The following SLC38A12 variants were observed in gnomAD, a reference collection of about 807,000 sequenced individuals.
SLC38A12 encodes solute carrier family 38 member 12.
At chr17:74,777,693 G>A in the SLC38A12 span, 1 of 1,111,750 alleles carries the variant, frequency 9.0e-7, no homozygotes, top group Non-Finnish European at 1.2e-6. Context: ...GCTGAAGCGG[G>A]CAGATCACCT....
the SLC38A12 span, among the ~76,000 whole-genome samples, chr17:74,777,026 G>A: frequency 2.0e-5 from 3 of 152,158 alleles, no homozygotes; most frequent in Non-Finnish European, 4.4e-5. Flanking sequence ...GAGCAGCATT[G>A]AAAACATCCG....
At chr17:74,820,379 G>A in the SLC38A12 span, among the ~76,000 whole-genome samples, 1 of 152,202 alleles carries the variant, frequency 6.6e-6, no homozygotes, top group Non-Finnish European at 1.5e-5. Flanking sequence ...TCTAACCAAC[G>A]GACACTGTGC....
At chr17:74,824,169 C>T in the SLC38A12 span, among the ~76,000 whole-genome samples, 1 of 152,202 alleles carries the variant, frequency 6.6e-6, no homozygotes, top group Non-Finnish European at 1.5e-5. Flanking sequence ...TCTGGGCAGC[C>T]TCTCTGTTGC....
chr17:74,777,129 G>A, the SLC38A12 span: 2 of 640,850 alleles, frequency 3.1e-6, no homozygotes, highest in Non-Finnish European at 5.5e-6. Flanking sequence ...TCCCTCGGGG[G>A]TGAGTCTTGT....
At chr17:74,824,126 G>A in the SLC38A12 span, among the ~76,000 whole-genome samples, 3 of 152,222 alleles carry the variant, frequency 2.0e-5, no homozygotes, top group Non-Finnish European at 4.4e-5. Flanking sequence ...CCACACTGGT[G>A]TCACGGTGAG....
the SLC38A12 span, among the ~76,000 whole-genome samples, chr17:74,817,498 C>G: frequency 1.4e-3 from 218 of 152,294 alleles, 1 homozygote; most frequent in African/African-American, 4.8e-3. Context: ...CTCGTTTCGA[C>G]TCCTCTAGAT....
the SLC38A12 span, chr17:74,836,388 G>T: frequency 3.7e-6 from 6 of 1,611,880 alleles, no homozygotes; most frequent in South Asian, 6.6e-5. The surrounding 1 kb of genome is among the most constrained non-coding windows in gnomAD (Gnocchi z 4.2). Flanking sequence ...GGTGGACCGC[G>T]TCGTGTTTCC....
chr17:74,829,908 A>G, the SLC38A12 span, among the ~76,000 whole-genome samples: 2 of 152,128 alleles, frequency 1.3e-5, no homozygotes, highest in African/African-American at 4.8e-5. This position sits in a 1 kb window ranked among gnomAD's most constrained non-coding sequence, Gnocchi z 4.1. Flanking sequence ...TCAGAGACCA[A>G]GGCAGCACTG....
At chr17:74,784,630 G>T in the SLC38A12 span, among the ~76,000 whole-genome samples, 2 of 152,172 alleles carry the variant, frequency 1.3e-5, no homozygotes, top group African/African-American at 4.8e-5. Context: ...GGCAGGGGAG[G>T]AGGCTGGGGG....
At chr17:74,830,406 G>A in the SLC38A12 span, among the ~76,000 whole-genome samples, 3 of 152,230 alleles carry the variant, frequency 2.0e-5, no homozygotes, top group Admixed American at 6.5e-5. Flanking sequence ...GAGAGAGGCC[G>A]TGAGGACAGA....
chr17:74,794,145 C>G, the SLC38A12 span, among the ~76,000 whole-genome samples: 1 of 152,226 alleles, frequency 6.6e-6, no homozygotes. Context: ...GCCCTTGCAC[C>G]TGGCCTTTCT....
the SLC38A12 span, among the ~76,000 whole-genome samples, chr17:74,789,340 G>C: frequency 2.0e-5 from 3 of 151,492 alleles, no homozygotes; most frequent in African/African-American, 7.3e-5. Flanking sequence ...GATCAGCCTG[G>C]CCAACATGGT....
chr17:74,795,854 G>T, the SLC38A12 span, among the ~76,000 whole-genome samples: 1 of 152,206 alleles, frequency 6.6e-6, no homozygotes, highest in Non-Finnish European at 1.5e-5. Flanking sequence ...AAAGTCAAGC[G>T]TGGTTTGGAG....
At chr17:74,813,967 C>T in the SLC38A12 span, among the ~76,000 whole-genome samples, 1 of 152,188 alleles carries the variant, frequency 6.6e-6, no homozygotes, top group African/African-American at 2.4e-5. Context: ...GGATGACGAC[C>T]AGCAGCACTT....
the SLC38A12 span, among the ~76,000 whole-genome samples, chr17:74,803,939 G>C: frequency 6.6e-6 from 1 of 152,140 alleles, no homozygotes; most frequent in Non-Finnish European, 1.5e-5. Flanking sequence ...AAATAAAAGT[G>C]TCAAAAAACT....
At chr17:74,784,551 C>G in the SLC38A12 span, among the ~76,000 whole-genome samples, 6 of 151,892 alleles carry the variant, frequency 4.0e-5, no homozygotes, top group Non-Finnish European at 8.8e-5. Context: ...CTTGGTGGAG[C>G]CTGCCGATTG....
the SLC38A12 span, among the ~76,000 whole-genome samples, chr17:74,830,167 A>C: frequency 1.3e-5 from 2 of 152,204 alleles, no homozygotes; most frequent in Non-Finnish European, 2.9e-5. Context: ...TCTGGCCCCA[A>C]GAACAAGTCA....
the SLC38A12 span, among the ~76,000 whole-genome samples, chr17:74,832,115 G>A: frequency 1.3e-5 from 2 of 152,058 alleles, no homozygotes; most frequent in Non-Finnish European, 2.9e-5. Context: ...GTGGGCAGTG[G>A]GGGTTAAGCC....
the SLC38A12 span, among the ~76,000 whole-genome samples, chr17:74,821,695 C>T: frequency 1.3e-5 from 2 of 152,206 alleles, no homozygotes; most frequent in African/African-American, 4.8e-5. Flanking sequence ...GGAGTTTTCT[C>T]AGTAAAGCAG....
Sources: allele counts gnomAD v4.1 joint callset (sites outside exome capture counted in the v4.1 genomes callset), GRCh38; gene constraint gnomAD v4.1.1; non-coding constraint Gnocchi (gnomAD v3.1); transcripts MANE v1.5; gene names NCBI Gene and HGNC (gene_info 2026-07-23, HGNC 2026-07-21).